The following SH3BGRL variants were observed in gnomAD, a reference collection of about 807,000 sequenced individuals.
SH3BGRL encodes adapter SH3BGRL.
A neutral mutation model predicts 9.8 loss-of-function variants in SH3BGRL; 7 were observed. The ratio of observed to expected loss-of-function variants is 0.72; its 90% CI spans 0.41 to 1.35. The LOEUF is 1.35. Among genes scored for constraint, SH3BGRL ranks in the 40% most tolerant of loss-of-function variants. SH3BGRL has a pLI of 0.01. For missense variants in SH3BGRL, 73 were observed against 84.4 expected (o/e 0.86, Z 0.53); for synonymous variants, 36 against 29.1 (o/e 1.24, Z -0.76).
At chrX:81,224,813 T>C (rs202143142) in intron 1 of SH3BGRL, among the ~76,000 whole-genome samples, 3 of 111,689 alleles carry the variant, frequency 2.7e-5, no homozygotes, top group South Asian at 7.4e-4. Flanking sequence ...CAATCTTTTT[T>C]GTTGTTGTTG....
At chrX:81,266,840 A>G (rs749543906) in intron 1 of SH3BGRL, among the ~76,000 whole-genome samples, 3 of 112,311 alleles carry the variant, frequency 2.7e-5, no homozygotes, top group South Asian at 7.3e-4. Flanking sequence ...ATCCATGAGC[A>G]TGGAATGTTT....
intron 3 of SH3BGRL, among the ~76,000 whole-genome samples, chrX:81,293,518 A>G (rs749482122): frequency 1.8e-5 from 2 of 111,770 alleles, no homozygotes; most frequent in South Asian, 7.5e-4. Flanking sequence ...CCCTGTCTCT[A>G]CTAAAAATAC....
chrX:81,295,942 TTA>T (rs1326546080), intron 3 of SH3BGRL, among the ~76,000 whole-genome samples: 4 of 111,489 alleles, frequency 3.6e-5, no homozygotes, highest in African/African-American at 1.3e-4. Context: ...TCAGGTATCT[TTA>T]TAGTAATACC....
chrX:81,219,844 T>A (rs1336484636), intron 1 of SH3BGRL, among the ~76,000 whole-genome samples: 2 of 111,661 alleles, frequency 1.8e-5, no homozygotes, highest in South Asian at 7.4e-4. Flanking sequence ...TTGAATTTTA[T>A]CAAATGCTTT....
chrX:81,252,060 T>C (rs1215326098), intron 1 of SH3BGRL, among the ~76,000 whole-genome samples: 1 of 112,184 alleles, frequency 8.9e-6, no homozygotes, highest in African/African-American at 3.2e-5. Context: ...TTCAAATCTA[T>C]TGTGAAAAAG....
At chrX:81,265,199 G>A (rs760300813) in intron 1 of SH3BGRL, among the ~76,000 whole-genome samples, 25 of 97,463 alleles carry the variant, frequency 2.6e-4, no homozygotes, top group Non-Finnish European at 5.2e-4. Flanking sequence ...ACAGAGTAGA[G>A]TTTTTTTTTT....
At position 81,298,319 on chromosome X, in the gene SH3BGRL, C is replaced by A. The variant is rs181111843; in HGVS notation, c.*1092C>A. 1.1e-4 allele frequency: 12 copies of A among 111,448 alleles called. No individual in the cohort carries two copies. The highest frequency in any genetic ancestry group is 3.7e-4 in the South Asian group (1 of 2,706). The allele number at this position is 111,448 out of a possible 1,213,427, so 9.2% of individuals were successfully genotyped here. A position where few individuals can be genotyped will look rare whatever the true frequency, so the allele number is the denominator to read the frequency against. On this transcript the variant is annotated 3_prime_UTR_variant, in exon 4 of 4. Transcript: ENST00000373212. The stretch of plus-strand genomic sequence containing the variant: ...TTAAGCCTGAAGACTTCTAAAAAGA[C>A]AAGAAACATGGCCTAAATAACCAAC...
At chrX:81,216,491 T>A (rs1484275263) in intron 1 of SH3BGRL, among the ~76,000 whole-genome samples, 2 of 111,108 alleles carry the variant, frequency 1.8e-5, no homozygotes, top group Admixed American at 1.9e-4. Flanking sequence ...AAATTATTGT[T>A]GACCATAGTC....
intron 1 of SH3BGRL, among the ~76,000 whole-genome samples, chrX:81,262,130 C>G (rs777456508): frequency 9.0e-6 from 1 of 111,302 alleles, no homozygotes; most frequent in East Asian, 2.8e-4. Flanking sequence ...TTCCCAGAAA[C>G]TCTAGAAAGT....
intron 1 of SH3BGRL, among the ~76,000 whole-genome samples, chrX:81,270,503 G>A (rs750559780): frequency 8.9e-6 from 1 of 111,997 alleles, no homozygotes; most frequent in Non-Finnish European, 1.9e-5. Flanking sequence ...GTCTGTTGGC[G>A]TTTGCCGGAG....
At chrX:81,227,410 C>A (rs1294393208) in intron 1 of SH3BGRL, among the ~76,000 whole-genome samples, 1 of 111,585 alleles carries the variant, frequency 9.0e-6, no homozygotes. Flanking sequence ...CAGTTTCTAA[C>A]CCCTATGCCC....
intron 1 of SH3BGRL, among the ~76,000 whole-genome samples, chrX:81,276,534 T>C (rs775650765): frequency 9.0e-6 from 1 of 111,265 alleles, no homozygotes; most frequent in South Asian, 3.8e-4. Flanking sequence ...CTGTGCACTT[T>C]GTCAAGGAAA....
intron 3 of SH3BGRL, 42 bp downstream of exon 3, chrX:81,278,453 G>T (rs1270488507): frequency 2.5e-5 from 21 of 843,196 alleles, no homozygotes; most frequent in African/African-American, 1.2e-4. Flanking sequence ...TCATTTTATT[G>T]CTGCTGAACT....
At chrX:81,283,033 A>G (rs2075822757) in intron 3 of SH3BGRL, among the ~76,000 whole-genome samples, 1 of 112,113 alleles carries the variant, frequency 8.9e-6, no homozygotes, top group South Asian at 3.6e-4. Flanking sequence ...CAAGGCTAAT[A>G]TGAACACCTC....
rs939311560 is a variant in SH3BGRL, at chrX:81,268,560, G to T, written c.46-8424G>T. ...GATTCTTACTCCTGAGTTCTAATTT[G>T]ACTGCACTGTGGTCTGAGAGGCAGT... On this transcript the variant is annotated intron_variant, in intron 1 of 3. Transcript: ENST00000373212. Among the ~76,000 whole-genome samples the T allele has an allele frequency of 3.6e-5, 4 of 111,922 alleles. No individual in the cohort carries two copies. In the South Asian group the frequency reaches 1.5e-3, roughly 42 times the overall value.
chrX:81,297,754 T>C lies in SH3BGRL; in HGVS notation c.*527T>C, dbSNP rs957767430. The stretch of plus-strand genomic sequence containing the variant: ...CCTATCGTAATTATAACATTCCCAT[T>C]CTTTTGTAGATGAAACTTCTACATA... On this transcript the variant is annotated 3_prime_UTR_variant, in exon 4 of 4. Coordinates refer to ENST00000373212, the MANE Select transcript of SH3BGRL (RefSeq NM_003022.3). 8.9e-6 allele frequency: 1 copy of C among 112,309 alleles called. No homozygotes were observed. The highest frequency in any genetic ancestry group is 3.2e-5 in the African/African-American group (1 of 30,964). The allele number at this position is 112,309 out of a possible 1,213,427, so 9.3% of individuals were successfully genotyped here. A position where few individuals can be genotyped will look rare whatever the true frequency, so the allele number is the denominator to read the frequency against.
chrX:81,258,052 G>A (rs921270500), intron 1 of SH3BGRL, among the ~76,000 whole-genome samples: 1 of 111,388 alleles, frequency 9.0e-6, no homozygotes, highest in Admixed American at 9.6e-5. Context: ...TAATGATGGT[G>A]TTTGACTTCC....
At chrX:81,296,855 T>C (rs2075876827) in intron 3 of SH3BGRL, among the ~76,000 whole-genome samples, 1 of 111,630 alleles carries the variant, frequency 9.0e-6, no homozygotes, top group African/African-American at 3.3e-5. Context: ...AATTTTAAAC[T>C]TAAGTAACCA....
At chrX:81,260,980 A>G (rs1161550674) in intron 1 of SH3BGRL, among the ~76,000 whole-genome samples, 2 of 109,115 alleles carry the variant, frequency 1.8e-5, no homozygotes, top group East Asian at 6.2e-4. Context: ...TTTGGATAAA[A>G]AAAGGAAGCA....
Sources: allele counts gnomAD v4.1 joint callset (sites outside exome capture counted in the v4.1 genomes callset), GRCh38; gene constraint gnomAD v4.1.1; transcripts MANE v1.5; gene names NCBI Gene and HGNC (gene_info 2026-07-23, HGNC 2026-07-21).